Variants in CSMD1 observed in about 807,000 individuals in gnomAD.
CSMD1 encodes CUB and Sushi multiple domains 1, also known as CUB and sushi domain-containing protein 1.
CSMD1 carries 213 observed loss-of-function variants against 417.5 expected under a neutral mutation model. The ratio of observed to expected loss-of-function variants is 0.51; its 90% CI spans 0.46 to 0.57. The LOEUF (loss-of-function observed/expected upper bound fraction) is 0.57, where lower values mean the gene tolerates loss of function less well. Ranked by LOEUF, CSMD1 falls within the 20% of genes least tolerant of loss-of-function variation. The probability of loss-of-function intolerance (pLI) is 0.00; values close to 1 mark genes in which losing one functional copy is unlikely to be tolerated. For synonymous variants in CSMD1, 2,862 were observed against 1,736.8 expected (o/e 1.65, Z -16.11); for missense variants, 6,923 against 4,529.7 (o/e 1.53, Z -15.17).
intron 5 of CSMD1, among the ~76,000 whole-genome samples, chr8:3,965,880 G>C (rs142530204): frequency 1.3e-5 from 2 of 152,140 alleles, no homozygotes; most frequent in Non-Finnish European, 2.9e-5. Flanking sequence ...GCCTTTTGAA[G>C]TGCTAGGACT....
chr8:4,901,126 C>A (rs772798679), intron 1 of CSMD1, among the ~76,000 whole-genome samples: 2 of 152,218 alleles, frequency 1.3e-5, no homozygotes, highest in African/African-American at 2.4e-5. Flanking sequence ...TATTACACAG[C>A]AATTGCATGT....
At chr8:4,298,205 C>T (rs925233764) in intron 3 of CSMD1, among the ~76,000 whole-genome samples, 5 of 152,026 alleles carry the variant, frequency 3.3e-5, no homozygotes, top group Admixed American at 6.6e-5. Flanking sequence ...AATGAAGTTT[C>T]CAAAATAATG....
intron 6 of CSMD1, among the ~76,000 whole-genome samples, chr8:3,728,159 G>C (rs1802606216): frequency 6.6e-6 from 1 of 152,146 alleles, no homozygotes; most frequent in African/African-American, 2.4e-5. Context: ...AATGAATCAT[G>C]GGTGCTGTTG....
intron 3 of CSMD1, among the ~76,000 whole-genome samples, chr8:4,291,723 C>T (rs913927342): frequency 6.6e-6 from 1 of 152,138 alleles, no homozygotes; most frequent in African/African-American, 2.4e-5. Context: ...CCAGTCTAAT[C>T]AGTTATATGC....
chr8:4,344,979 A>C (rs957705233), intron 3 of CSMD1, among the ~76,000 whole-genome samples: 1 of 151,120 alleles, frequency 6.6e-6, no homozygotes, highest in Non-Finnish European at 1.5e-5. Context: ...CGGACTGAAG[A>C]AAACAAATGG....
rs778779956 is a variant in CSMD1 at position 3,307,759 on chromosome 8, C to T, written c.3886G>A (p.Ala1296Thr). The T allele has an allele frequency of 3.7e-6, 6 of 1,613,718 alleles. No homozygotes were observed. In the South Asian group the frequency reaches 4.4e-5, roughly 12 times the overall value. The change falls in exon 25 of 70, where the codon GCT becomes ACT. Residue 1296 changes from alanine (A) to threonine (T), a missense_variant. Physicochemically the swap from Ala to Thr is moderately conservative, Grantham distance 58. Coordinates refer to ENST00000635120, the MANE Select transcript of CSMD1 (RefSeq NM_033225.6). ...SGRILSPGYP[A>T]PYDNNLHCTW... Reference sequence around the variant, plus strand: ...CAGTGGAGGTTGTTGTCATACGGAGCTGGATAGCCAGGGGACAATATTCGT... The same window carrying T: ...CAGTGGAGGTTGTTGTCATACGGAGTTGGATAGCCAGGGGACAATATTCGT...
chr8:4,628,983 A>T (rs1003009633), intron 2 of CSMD1, among the ~76,000 whole-genome samples: 4 of 152,194 alleles, frequency 2.6e-5, no homozygotes, highest in African/African-American at 9.7e-5. Context: ...AGATCTTCTC[A>T]GATCCGCAAA....
At chr8:3,887,549 C>G (rs1006769453) in intron 5 of CSMD1, among the ~76,000 whole-genome samples, 1 of 152,180 alleles carries the variant, frequency 6.6e-6, no homozygotes, top group African/African-American at 2.4e-5. Flanking sequence ...TAATCTCAAC[C>G]AATTAAATTA....
intron 1 of CSMD1, among the ~76,000 whole-genome samples, chr8:4,919,648 C>G (rs957546823): frequency 6.6e-6 from 1 of 152,168 alleles, no homozygotes; most frequent in African/African-American, 2.4e-5. Flanking sequence ...TATCGATACT[C>G]CAGTACATTG....
chr8:4,031,761 G>C, intron 4 of CSMD1, 144 bp downstream of exon 4: 3 of 549,946 alleles, frequency 5.5e-6, no homozygotes, highest in South Asian at 3.7e-5. Context: ...ATGTAATATT[G>C]CTTTCAGGAG....
chr8:3,511,825 T>A (rs1385055607), intron 10 of CSMD1, among the ~76,000 whole-genome samples: 2 of 136,160 alleles, frequency 1.5e-5, no homozygotes, highest in African/African-American at 5.6e-5. Context: ...AACATAACAA[T>A]AAATAAAATA....
chr8:4,365,962 G>C (rs764993944), intron 3 of CSMD1, among the ~76,000 whole-genome samples: 2 of 151,754 alleles, frequency 1.3e-5, no homozygotes, highest in Admixed American at 6.6e-5. Context: ...GGGTATCCAC[G>C]TACAGGTTTG....
At chr8:4,704,022 C>G (rs1159622) in intron 1 of CSMD1, among the ~76,000 whole-genome samples, 140,585 of 152,226 alleles carry the variant, frequency 0.92, 65,046 homozygotes, top group East Asian at 0.99. Flanking sequence ...CGATGTGAGA[C>G]GAGGCGGATC....
intron 3 of CSMD1, among the ~76,000 whole-genome samples, chr8:4,269,401 C>T (rs968899059): frequency 1.3e-5 from 2 of 152,156 alleles, no homozygotes; most frequent in Non-Finnish European, 2.9e-5. Flanking sequence ...AACCACACTC[C>T]TAAGGCTGTG....
intron 3 of CSMD1, among the ~76,000 whole-genome samples, chr8:4,367,341 T>C (rs921171209): frequency 1.3e-5 from 2 of 152,156 alleles, no homozygotes; most frequent in Non-Finnish European, 2.9e-5. Context: ...TCTGATATTG[T>C]CAACTTTGTC....
At chr8:3,204,587 G>A (rs978124911) in intron 31 of CSMD1, among the ~76,000 whole-genome samples, 2 of 152,048 alleles carry the variant, frequency 1.3e-5, no homozygotes, top group African/African-American at 4.8e-5. Flanking sequence ...AGAGGCCCGG[G>A]AATCATGACA....
At chr8:4,197,056 C>T (rs1206829686) in intron 3 of CSMD1, among the ~76,000 whole-genome samples, 1 of 152,160 alleles carries the variant, frequency 6.6e-6, no homozygotes, top group African/African-American at 2.4e-5. Flanking sequence ...CAATTATTCA[C>T]TGAGAGCTTG....
chr8:3,236,717 C>T (rs776300769), intron 26 of CSMD1, among the ~76,000 whole-genome samples: 2 of 152,160 alleles, frequency 1.3e-5, no homozygotes, highest in Non-Finnish European at 2.9e-5. Flanking sequence ...ACATCATACA[C>T]TTCACTCATT....
chr8:4,918,133 A>G (rs1806193516), intron 1 of CSMD1, among the ~76,000 whole-genome samples: 1 of 152,218 alleles, frequency 6.6e-6, no homozygotes, highest in South Asian at 2.1e-4. Context: ...CTGCCCCCTG[A>G]AAAATTCTTC....
Sources: allele counts gnomAD v4.1 joint callset (sites outside exome capture counted in the v4.1 genomes callset), GRCh38; gene constraint gnomAD v4.1.1; transcripts MANE v1.5; gene names NCBI Gene and HGNC (gene_info 2026-07-23, HGNC 2026-07-21).